The following PPP2R3C variants were observed in gnomAD, a reference collection of about 807,000 sequenced individuals.
The protein encoded by PPP2R3C is serine/threonine-protein phosphatase 2A regulatory subunit B'' subunit gamma.
PPP2R3C carries 47 observed loss-of-function variants against 63.7 expected under a neutral mutation model. The observed-to-expected ratio is 0.74, with a 90% confidence interval of 0.58 to 0.94. PPP2R3C has a LOEUF of 0.94. PPP2R3C is among the 40% of genes least tolerant of loss of function. The probability of loss-of-function intolerance (pLI) is 0.00; values close to 1 mark genes in which losing one functional copy is unlikely to be tolerated. For missense variants in PPP2R3C, 421 were observed against 518.4 expected (o/e 0.81, Z 1.82); for synonymous variants, 180 against 177.4 (o/e 1.01, Z -0.12).
At chr14:35,099,687 T>G (rs1347706852) in intron 6 of PPP2R3C, 1 of 239,538 alleles carries the variant, frequency 4.2e-6, no homozygotes, top group Non-Finnish European at 7.9e-6. Context: ...CTGATGCAGC[T>G]TCCCAAAGGT....
chr14:35,098,412 A>C (rs567623654), intron 7 of PPP2R3C, among the ~76,000 whole-genome samples: 1 of 147,054 alleles, frequency 6.8e-6, no homozygotes, highest in Admixed American at 6.8e-5. Flanking sequence ...GAATGCAATA[A>C]CGCGATCTCG....
At chr14:35,116,540 C>A in intron 2 of PPP2R3C, 70 bp downstream of exon 2, 1 of 1,309,004 alleles carries the variant, frequency 7.6e-7, no homozygotes. Flanking sequence ...CAGGTATGAG[C>A]CACCCTGCCT....
chr14:35,117,047 A>G, intron 1 of PPP2R3C: 1 of 456,040 alleles, frequency 2.2e-6, no homozygotes, highest in Non-Finnish European at 4.4e-6. Context: ...TAATTCATTC[A>G]ATGAAAAGAA....
chr14:35,092,567 A>G (rs1379910853), intron 10 of PPP2R3C, among the ~76,000 whole-genome samples: 1 of 152,054 alleles, frequency 6.6e-6, no homozygotes, highest in Non-Finnish European at 1.5e-5. Context: ...CCCAGGTTCA[A>G]GTCATTCTCC....
chr14:35,097,703 T>C (rs2046042821), intron 7 of PPP2R3C, among the ~76,000 whole-genome samples: 1 of 152,054 alleles, frequency 6.6e-6, no homozygotes, highest in African/African-American at 2.4e-5. Flanking sequence ...AGGCTGGTCT[T>C]GAACACCTGA....
intron 12 of PPP2R3C, 166 bp downstream of exon 12, chr14:35,087,785 T>A (rs2045658426): frequency 1.6e-6 from 1 of 609,590 alleles, no homozygotes; most frequent in Non-Finnish European, 2.9e-6. Flanking sequence ...ACATAAATAG[T>A]CCAAATGTGG....
At chr14:35,117,862 T>C (rs796732488) in intron 1 of PPP2R3C, among the ~76,000 whole-genome samples, 6 of 152,196 alleles carry the variant, frequency 3.9e-5, no homozygotes, top group African/African-American at 1.2e-4. Flanking sequence ...GCCTGGCTAA[T>C]TTTGTATTTT....
At chr14:35,114,189 C>T (rs903217421) in intron 2 of PPP2R3C, among the ~76,000 whole-genome samples, 1 of 152,076 alleles carries the variant, frequency 6.6e-6, no homozygotes, top group Non-Finnish European at 1.5e-5. Flanking sequence ...TAAAAAAATA[C>T]ACAGATACCC....
At chr14:35,113,538 G>A (rs191755643) in intron 2 of PPP2R3C, among the ~76,000 whole-genome samples, 4 of 152,278 alleles carry the variant, frequency 2.6e-5, no homozygotes, top group Admixed American at 6.5e-5. Context: ...TTAGGAATGA[G>A]ACAGAGTAGG....
chr14:35,114,282 T>A (rs994345227), intron 2 of PPP2R3C, among the ~76,000 whole-genome samples: 1 of 152,222 alleles, frequency 6.6e-6, no homozygotes, highest in African/African-American at 2.4e-5. Flanking sequence ...TCAACTTGTT[T>A]AGCCATATTT....
chr14:35,112,454 T>C (rs562767689), intron 2 of PPP2R3C, among the ~76,000 whole-genome samples: 4 of 152,160 alleles, frequency 2.6e-5, no homozygotes, highest in African/African-American at 9.6e-5. Flanking sequence ...CTTAGCCCCA[T>C]TAAATTACCT....
Position 35,091,197 on chromosome 14 carries a change from G to C in PPP2R3C, c.986C>G (p.Thr329Ser). 6.2e-7 allele frequency: 1 copy of C among 1,608,112 alleles called. No individual in the cohort carries two copies. ...LTYDGEMDYK[T>S]YLDFVLALEN... ...TAATGCAAGGACAAAGTCCAAGTAG[G>C]TCTTATAGTCCTACAGAACAGAAAA... Residue 329 changes from threonine to serine, a missense_variant, in exon 11 of 13, where the codon ACC becomes AGC. Physicochemically the swap from Thr to Ser is moderately conservative, Grantham distance 58. Transcript: ENST00000261475.
chr14:35,107,946 C>T (rs2046414145), intron 5 of PPP2R3C, 193 bp downstream of exon 5: 1 of 572,000 alleles, frequency 1.7e-6, no homozygotes, highest in Non-Finnish European at 2.8e-6. Flanking sequence ...ATCTTTAAGA[C>T]ACATGAGGGT....
Position 35,091,139 on chromosome 14 carries a change from A to G in PPP2R3C, c.1044T>C (p.Tyr348=), listed in dbSNP as rs766051289. 3.7e-6 allele frequency: 6 copies of G among 1,608,708 alleles called. No individual in the cohort carries two copies. The South Asian group carries it at 4.4e-5, about 12-fold the overall frequency. ...TCTCAATATCAAGCAGTTTGAAAAT[A>G]TATTGTAGAGCTGCAGGTTCCTTTC... The part of the protein sequence containing the change: ...ENRKEPAALQ[Y]IFKLLDIENK... The change falls in exon 11 of 13, where the codon TAT becomes TAC. Residue 348 remains tyrosine (Y), a synonymous_variant. Transcript: ENST00000261475.
At chr14:35,091,763 C>T (rs993079011) in intron 10 of PPP2R3C, among the ~76,000 whole-genome samples, 4 of 151,956 alleles carry the variant, frequency 2.6e-5, no homozygotes, top group African/African-American at 9.7e-5. Flanking sequence ...CTCTATTGCC[C>T]AGGCTGGAGT....
upstream of PPP2R3C, chr14:35,122,110 G>T (rs28365850): frequency 1.4e-6 from 1 of 710,070 alleles, no homozygotes; most frequent in Non-Finnish European, 2.4e-6. Flanking sequence ...GGCTAAAGAG[G>T]CAAAAACAAT....
At chr14:35,099,494 A>T in intron 6 of PPP2R3C, 110 bp from the exon 7 acceptor site, 2 of 1,261,072 alleles carry the variant, frequency 1.6e-6, no homozygotes, top group Non-Finnish European at 2.1e-6. Flanking sequence ...TAAAGAAATA[A>T]ATGCATGACT....
At chr14:35,119,173 G>A (rs990837318) in intron 1 of PPP2R3C, among the ~76,000 whole-genome samples, 1 of 152,048 alleles carries the variant, frequency 6.6e-6, no homozygotes, top group Non-Finnish European at 1.5e-5. Context: ...AAGTAGCTGG[G>A]ATTACAGGTG....
At chr14:35,089,810 C>T (rs529609261) in intron 11 of PPP2R3C, among the ~76,000 whole-genome samples, 140 of 151,628 alleles carry the variant, frequency 9.2e-4, no homozygotes, top group Admixed American at 1.4e-3. Flanking sequence ...GGACTATAGG[C>T]GCCCGCCACC....
Sources: allele counts gnomAD v4.1 joint callset (sites outside exome capture counted in the v4.1 genomes callset), GRCh38; gene constraint gnomAD v4.1.1; transcripts MANE v1.5; gene names NCBI Gene and HGNC (gene_info 2026-07-23, HGNC 2026-07-21).